The following CCDC102B variants were observed in gnomAD, a reference collection of about 807,000 sequenced individuals.
CCDC102B encodes coiled-coil domain containing 102B, also known as coiled-coil domain-containing protein 102B.
CCDC102B carries 75 observed loss-of-function variants against 57.4 expected under a neutral mutation model. The observed-to-expected ratio is 1.31, with a 90% confidence interval of 1.08 to 1.58. The LOEUF is 1.58. CCDC102B is among the 40% of genes most tolerant of loss of function. CCDC102B has a pLI of 0.00. For missense variants in CCDC102B, 636 were observed against 582.6 expected, an observed-to-expected ratio of 1.09 and a Z score of -0.94; for synonymous variants, 206 against 201.9, an observed-to-expected ratio of 1.02 and a Z score of -0.17.
At chr18:68,810,689 T>G (rs28715050) in intron 1 of CCDC102B, among the ~76,000 whole-genome samples, 1 of 141,458 alleles carries the variant, frequency 7.1e-6, no homozygotes, top group South Asian at 2.3e-4. Flanking sequence ...TGTTTTTTTT[T>G]TTTTTTTTTT....
intron 6 of CCDC102B, among the ~76,000 whole-genome samples, chr18:68,962,245 C>A (rs932173985): frequency 6.6e-6 from 1 of 152,038 alleles, no homozygotes; most frequent in Non-Finnish European, 1.5e-5. Context: ...TCCTTGGAGT[C>A]TCCCTTGGAT....
At chr18:68,965,350 A>G (rs1359753767) in intron 6 of CCDC102B, among the ~76,000 whole-genome samples, 1 of 150,762 alleles carries the variant, frequency 6.6e-6, no homozygotes, top group African/African-American at 2.4e-5. Context: ...CTGCTGAGCT[A>G]TTGATTTTTA....
intron 3 of CCDC102B, among the ~76,000 whole-genome samples, chr18:68,840,443 A>T (rs1006451639): frequency 6.6e-6 from 1 of 152,122 alleles, no homozygotes; most frequent in Non-Finnish European, 1.5e-5. Flanking sequence ...CAGATTCTTC[A>T]TCTGTATTTC....
chr18:69,010,098 ATTTTTTTTTTTTTTTTT>A (rs71717825), intron 6 of CCDC102B, among the ~76,000 whole-genome samples: 1 of 54,946 alleles, frequency 1.8e-5, no homozygotes, highest in Non-Finnish European at 3.5e-5. Context: ...TGCCCGGCTA[ATTTTTTTTTTTTTTTTT>A]TTTTTTTTAG....
chr18:68,851,061 G>C (rs991589682), intron 4 of CCDC102B, among the ~76,000 whole-genome samples: 1 of 152,110 alleles, frequency 6.6e-6, no homozygotes, highest in African/African-American at 2.4e-5. Context: ...TATAGATCAT[G>C]TCTGCTTATT....
chr18:68,998,654 G>A (rs1426252414), intron 6 of CCDC102B, among the ~76,000 whole-genome samples: 3 of 151,554 alleles, frequency 2.0e-5, no homozygotes, highest in Non-Finnish European at 4.4e-5. Context: ...AGAGCTCCTG[G>A]CAAACCACTG....
At chr18:68,841,877 C>CTG (rs1227957151) in intron 3 of CCDC102B, among the ~76,000 whole-genome samples, 1 of 152,012 alleles carries the variant, frequency 6.6e-6, no homozygotes, top group Non-Finnish European at 1.5e-5. Context: ...GAATTACAGG[C>CTG]TGTGCCACCA....
Position 68,767,516 on chromosome 18 carries a change from A to G in CCDC102B, c.-67+50922A>G, listed in dbSNP as rs2144605427. Among the ~76,000 whole-genome samples, 3 of 152,364 alleles carry G rather than the reference A, an allele frequency of 2.0e-5. No individual in the cohort carries two copies. The Middle Eastern group carries it at 0.01, about 518-fold the overall frequency. ...TGCTTGTTGTTTAAGCTTTCCAGTC[A>G]GTGGTATTCTGCTATAGCAGCCCAA... is the stretch of plus-strand genomic sequence containing the variant. On this transcript the variant is annotated intron_variant, in intron 2 of 3. Transcript: ENST00000578970.
At chr18:68,968,164 A>G (rs1429148812) in intron 6 of CCDC102B, among the ~76,000 whole-genome samples, 2 of 152,138 alleles carry the variant, frequency 1.3e-5, no homozygotes, top group Non-Finnish European at 2.9e-5. Flanking sequence ...ATCAGACTGC[A>G]CTTACACAAA....
At chr18:69,047,190 C>T (rs759657297) in intron 7 of CCDC102B, among the ~76,000 whole-genome samples, 6 of 152,064 alleles carry the variant, frequency 3.9e-5, no homozygotes, top group South Asian at 2.1e-4. Flanking sequence ...AATCTGCCAT[C>T]GCATCAAAAA....
chr18:68,975,990 T>C (rs772855817), intron 6 of CCDC102B, among the ~76,000 whole-genome samples: 1 of 151,984 alleles, frequency 6.6e-6, no homozygotes, highest in Non-Finnish European at 1.5e-5. Context: ...TAAGAGTCAA[T>C]AGAAATACAG....
intron 2 of CCDC102B, among the ~76,000 whole-genome samples, chr18:68,766,517 C>T (rs2034475661): frequency 6.6e-6 from 1 of 152,098 alleles, no homozygotes; most frequent in South Asian, 2.1e-4. Flanking sequence ...CTTAAGTATT[C>T]GTTATATCTG....
intron 6 of CCDC102B, among the ~76,000 whole-genome samples, chr18:68,938,643 A>G (rs867302917): frequency 6.6e-6 from 1 of 151,690 alleles, no homozygotes; most frequent in Admixed American, 6.6e-5. Flanking sequence ...TTATACAGCT[A>G]TCCCTAGATA....
At chr18:68,957,562 T>TG (rs1466793434) in intron 6 of CCDC102B, among the ~76,000 whole-genome samples, 2 of 151,162 alleles carry the variant, frequency 1.3e-5, no homozygotes, top group Non-Finnish European at 3.0e-5. Flanking sequence ...TTCCAGTTTT[T>TG]TTTTTTTTTT....
chr18:68,843,935 A>G lies in CCDC102B; in HGVS notation c.828-2378A>G, dbSNP rs112322186. 2.5e-3 allele frequency among the ~76,000 whole-genome samples: 372 copies of G among 151,466 alleles called. 4 individuals are homozygous for G. Among genetic ancestry groups the G allele is most frequent in the African/African-American group, 8.6e-3 (357 of 41,348 alleles). On this transcript the variant is annotated intron_variant, in intron 3 of 7. Transcript: ENST00000360242. ...CATACAATGTCCTTAATGCTGGCAG[A>G]GACACAAAAGTTTATGATGGGGCTA...
chr18:69,018,551 A>T (rs1430324026), intron 7 of CCDC102B, among the ~76,000 whole-genome samples: 2 of 152,072 alleles, frequency 1.3e-5, no homozygotes, highest in African/African-American at 4.8e-5. Context: ...CTTTTCAAAT[A>T]CCTCTTGACT....
intron 6 of CCDC102B, among the ~76,000 whole-genome samples, chr18:68,913,310 CTGTGTGTG>C (rs57064090): frequency 9.6e-5 from 13 of 135,594 alleles, no homozygotes; most frequent in South Asian, 7.4e-4. Flanking sequence ...TGGTTAGTGT[CTGTGTGTG>C]TGTGTGTGTG....
intron 2 of CCDC102B, among the ~76,000 whole-genome samples, chr18:68,761,290 GA>G (rs2034245799): frequency 6.6e-6 from 1 of 151,896 alleles, no homozygotes; most frequent in African/African-American, 2.4e-5. Flanking sequence ...GCTTAGTTGT[GA>G]AAAAAGTCTT....
intron 5 of CCDC102B, among the ~76,000 whole-genome samples, chr18:68,888,569 C>A (rs1392321374): frequency 6.6e-6 from 1 of 152,164 alleles, no homozygotes; most frequent in Admixed American, 6.5e-5. Context: ...AGTAGTACTT[C>A]TTCAGATGTG....
Sources: allele counts gnomAD v4.1 joint callset (sites outside exome capture counted in the v4.1 genomes callset), GRCh38; gene constraint gnomAD v4.1.1; transcripts MANE v1.5; gene names NCBI Gene and HGNC (gene_info 2026-07-23, HGNC 2026-07-21).